SAMD4B: variants seen among roughly 807,000 people sequenced by gnomAD.
The protein encoded by SAMD4B is protein Smaug homolog 2.
Under a neutral mutation model 74.5 loss-of-function variants are expected in SAMD4B, and 5 were observed. The ratio of observed to expected loss-of-function variants is 0.07; its 90% confidence interval spans 0.04 to 0.14. SAMD4B has a LOEUF of 0.14. Among genes scored for constraint, SAMD4B ranks in the 10% least tolerant of loss-of-function variants. The pLI is 1.00. For synonymous variants in SAMD4B, 373 were observed against 374.9 expected, an observed-to-expected ratio of 1.00 and a Z score of 0.06; for missense variants, 608 against 921.8, an observed-to-expected ratio of 0.66 and a Z score of 4.41.
At chr19:39,343,800 T>C (rs1174026863) in intron 1 of SAMD4B, among the ~76,000 whole-genome samples, 1 of 151,972 alleles carries the variant, frequency 6.6e-6, no homozygotes, top group African/African-American at 2.4e-5. Context: ...AAAAATTGTT[T>C]AAGGATCCTG....
chr19:39,378,767 C>T lies in SAMD4B; in HGVS notation c.1530+178C>T, dbSNP rs1386333263. 6.6e-6 allele frequency among the ~76,000 whole-genome samples: 1 copy of T among 152,192 alleles called. No homozygotes were observed. The highest frequency in any genetic ancestry group is 2.4e-5 in the African/African-American group (1 of 41,444). On this transcript the variant is annotated intron_variant, in intron 9 of 13. Transcript: ENST00000610417. The surrounding 1 kb of genome is among the most constrained non-coding windows in gnomAD (Gnocchi z 4.4). ...CTAAAAATACAAAAAATTAGCCGGG[C>T]GTGGTGGCAGGTGCCTGCAGTCCCA...
At position 39,381,082 on chromosome 19, in the gene SAMD4B, G is replaced by C; in HGVS notation, c.1941G>C (p.Ser647=). 6.2e-7 allele frequency: 1 copy of C among 1,612,432 alleles called. No individual in the cohort carries two copies. Among genetic ancestry groups the C allele is most frequent in the Non-Finnish European group, 8.5e-7 (1 of 1,179,776 alleles). The change falls in exon 12 of 14, where the codon TCG becomes TCC. Residue 647 remains serine, a synonymous_variant. Transcript: ENST00000610417. The part of the protein sequence containing the change: ...VQRTHSLPVH[S]SPQAILMFPP... The stretch of plus-strand genomic sequence containing the variant: ...GCACCCACTCGCTCCCGGTCCACTC[G>C]TCACCCCAGGCCATTCTCATGTTCC...
At chr19:39,386,001 T>G (rs1386771175), downstream of SAMD4B, 2 of 1,613,654 alleles carry the variant, frequency 1.2e-6, no homozygotes, top group Non-Finnish European at 1.7e-6. This position sits in a 1 kb window ranked among gnomAD's most constrained non-coding sequence, Gnocchi z 6.1. Flanking sequence ...TCAGTCACTG[T>G]CACTATCAGC....
At position 39,356,853 on chromosome 19, in the gene SAMD4B, C is replaced by G; in HGVS notation, c.-41C>G. The G allele has an allele frequency of 6.5e-7, 1 of 1,542,194 alleles. No individual in the cohort carries two copies. Among genetic ancestry groups the G allele is most frequent in the Non-Finnish European group, 8.8e-7 (1 of 1,132,498 alleles). On this transcript the variant is annotated 5_prime_UTR_variant, in exon 3 of 14. Coordinates refer to ENST00000610417, the MANE Select transcript of SAMD4B (RefSeq NM_001384574.2). ...GGGACCATGTGACGGCGCTGGCCCTCGCCACCGCCGTCCCCCGACCCTGGC... is the reference window on the plus strand; with the variant it reads ...GGGACCATGTGACGGCGCTGGCCCTGGCCACCGCCGTCCCCCGACCCTGGC...
intron 3 of SAMD4B, among the ~76,000 whole-genome samples, chr19:39,359,310 C>T (rs1288345465): frequency 2.6e-5 from 4 of 152,196 alleles, no homozygotes; most frequent in Admixed American, 1.3e-4. Flanking sequence ...TTAGTAATTT[C>T]AGTGCTTTTA....
At chr19:39,343,956 A>G (rs900138633) in intron 1 of SAMD4B, among the ~76,000 whole-genome samples, 1 of 133,244 alleles carries the variant, frequency 7.5e-6, no homozygotes, top group Non-Finnish European at 1.6e-5. Context: ...TCTCTTGGTG[A>G]CCCCTCTGAT....
chr19:39,355,143 G>C (rs928811631), intron 2 of SAMD4B, among the ~76,000 whole-genome samples: 1 of 152,226 alleles, frequency 6.6e-6, no homozygotes, highest in Non-Finnish European at 1.5e-5. Context: ...AAAGTGCTGG[G>C]ATTACAGGTG....
At chr19:39,389,461 C>A, downstream of SAMD4B, 1 of 1,613,762 alleles carries the variant, frequency 6.2e-7, no homozygotes, top group Non-Finnish European at 8.5e-7. This position sits in a 1 kb window ranked among gnomAD's most constrained non-coding sequence, Gnocchi z 5.3. Flanking sequence ...TCTCCAGTAC[C>A]CATTTGCTAC....
chr19:39,380,441 G>T (rs1237424357), intron 10 of SAMD4B, 146 bp from the exon 11 acceptor site: 2 of 821,956 alleles, frequency 2.4e-6, no homozygotes. Context: ...CTTCCAGGGG[G>T]TACCCTTGGG....
downstream of SAMD4B, chr19:39,388,460 A>G (rs1317054784): frequency 1.9e-6 from 3 of 1,614,050 alleles, no homozygotes; most frequent in Non-Finnish European, 1.7e-6. Context: ...GCAATTTTGT[A>G]GTCATACCTG....
intron 1 of SAMD4B, chr19:39,350,661 G>C (rs1412143378): frequency 6.6e-6 from 1 of 151,966 alleles, no homozygotes. Flanking sequence ...CTGATTTTTT[G>C]TATTTTTAGT....
At chr19:39,389,256 T>G, downstream of SAMD4B, 1 of 1,609,530 alleles carries the variant, frequency 6.2e-7, no homozygotes, top group South Asian at 1.1e-5. The surrounding 1 kb of genome is among the most constrained non-coding windows in gnomAD (Gnocchi z 5.3). Context: ...ATCTCCACCT[T>G]CCCTCTCTTC....
At chr19:39,346,905 C>G (rs538582878) in intron 1 of SAMD4B, among the ~76,000 whole-genome samples, 1 of 151,878 alleles carries the variant, frequency 6.6e-6, no homozygotes, top group South Asian at 2.1e-4. Flanking sequence ...AGAATTGTTA[C>G]GAGGATTAAA....
chr19:39,371,826 A>T (rs1299906306), intron 4 of SAMD4B, among the ~76,000 whole-genome samples: 1 of 152,108 alleles, frequency 6.6e-6, no homozygotes, highest in Non-Finnish European at 1.5e-5. Context: ...CAAAAAAAAA[A>T]AAACAAAAAC....
intron 10 of SAMD4B, 49 bp from the exon 11 acceptor site, chr19:39,380,538 A>G (rs528233086): frequency 6.3e-7 from 1 of 1,594,134 alleles, no homozygotes; most frequent in Non-Finnish European, 8.6e-7. Flanking sequence ...GGGTGGACAG[A>G]TAGGCCCCAT....
chr19:39,344,585 A>G (rs2075575159), intron 1 of SAMD4B, among the ~76,000 whole-genome samples: 1 of 151,942 alleles, frequency 6.6e-6, no homozygotes, highest in Admixed American at 6.6e-5. Context: ...AGATTTACCC[A>G]CTAACTTTAG....
Position 39,357,092 on chromosome 19 carries a change from G to A in SAMD4B, c.196+3G>A, listed in dbSNP as rs555244395. 2 of 1,603,598 alleles carry A rather than the reference G, an allele frequency of 1.2e-6. No individual in the cohort carries two copies. The highest frequency in any genetic ancestry group is 3.4e-5 in the Admixed American group (2 of 59,632). The stretch of plus-strand genomic sequence containing the variant: ...GGAGTCGGAGGCCAACAGTGCTGGT[G>A]AGTTTCCACCCTTAGAGATGGGAGC... On this transcript the variant is annotated splice_donor_region_variant and intron_variant, in intron 3 of 13. Coordinates refer to ENST00000610417, the MANE Select transcript of SAMD4B (RefSeq NM_001384574.2).
At chr19:39,357,400 CG>C (rs1474392296) in intron 3 of SAMD4B, among the ~76,000 whole-genome samples, 1 of 152,054 alleles carries the variant, frequency 6.6e-6, no homozygotes, top group Non-Finnish European at 1.5e-5. Context: ...TTATGAAAGG[CG>C]TATAGAAGGT....
At chr19:39,353,235 C>T (rs2076153061) in intron 1 of SAMD4B, among the ~76,000 whole-genome samples, 1 of 152,198 alleles carries the variant, frequency 6.6e-6, no homozygotes, top group Non-Finnish European at 1.5e-5. Flanking sequence ...TAATTAATCA[C>T]AGCACTCTTT....
Sources: gnomAD v4.1 joint callset for allele counts (sites outside exome capture counted in the v4.1 genomes callset) on GRCh38, gnomAD v4.1.1 for gene constraint, Gnocchi (gnomAD v3.1) non-coding constraint, MANE v1.5 for transcripts, NCBI Gene and HGNC (gene_info 2026-07-23, HGNC 2026-07-21) for gene names.